DCDC1: variants seen among roughly 807,000 people sequenced by gnomAD.
DCDC1 encodes the protein doublecortin domain containing 1.
A neutral mutation model predicts 178.3 loss-of-function variants in DCDC1; 200 were observed. The observed-to-expected ratio is 1.12, with a 90% confidence interval of 1.00 to 1.26. DCDC1 has a LOEUF of 1.26. DCDC1 is among the 50% of genes most tolerant of loss of function. The probability of loss-of-function intolerance (pLI) is 0.00; values close to 1 mark genes in which losing one functional copy is unlikely to be tolerated. For missense variants in DCDC1, 1,983 were observed against 1,749.2 expected (o/e 1.13, Z -2.38); for synonymous variants, 690 against 604.8 (o/e 1.14, Z -2.07).
intron 21 of DCDC1, among the ~76,000 whole-genome samples, chr11:30,949,514 T>C (rs573881292): frequency 6.6e-6 from 1 of 152,038 alleles, no homozygotes; most frequent in Non-Finnish European, 1.5e-5. Context: ...GGTATATACC[T>C]AAAGAATTAT....
chr11:31,147,760 T>C (rs1415534293), intron 9 of DCDC1, among the ~76,000 whole-genome samples: 2 of 152,152 alleles, frequency 1.3e-5, no homozygotes, highest in African/African-American at 2.4e-5. Flanking sequence ...GGCAAAACCA[T>C]AATTTAATAG....
At position 30,878,641 on chromosome 11, in the gene DCDC1, T is replaced by G. The variant is rs1182083642; in HGVS notation, c.5304A>C (p.Thr1768=). The change falls in exon 38 of 39, where the codon ACA becomes ACC. Residue 1768 remains threonine, a synonymous_variant. Transcript: ENST00000684477. ...RIRRQQGPQA[T]DIVVSPSTKL... ...TCGTGGATGGTGACACCACAATGTC[T>G]GTGGCTTGAGGGCCCTGCTGCCTTC... The G allele has an allele frequency of 1.2e-6, 2 of 1,612,178 alleles. No homozygotes were observed. Among genetic ancestry groups the G allele is most frequent in the Non-Finnish European group, 1.7e-6 (2 of 1,179,010 alleles).
At chr11:30,874,782 A>G (rs940952460) in intron 38 of DCDC1, among the ~76,000 whole-genome samples, 1 of 152,144 alleles carries the variant, frequency 6.6e-6, no homozygotes, top group African/African-American at 2.4e-5. Context: ...CCTGAGCTAA[A>G]ACCCTAATAT....
chr11:31,083,192 A>T (rs1192945477), intron 17 of DCDC1, among the ~76,000 whole-genome samples: 1 of 152,164 alleles, frequency 6.6e-6, no homozygotes, highest in African/African-American at 2.4e-5. Flanking sequence ...TGGATGCAAA[A>T]AGCTATAACT....
intron 17 of DCDC1, among the ~76,000 whole-genome samples, chr11:31,081,482 T>C (rs368158646): frequency 4.6e-5 from 7 of 152,096 alleles, no homozygotes; most frequent in African/African-American, 1.7e-4. Flanking sequence ...TGGTGGCACA[T>C]GCCCGCAATC....
intron 20 of DCDC1, among the ~76,000 whole-genome samples, chr11:31,008,314 T>C (rs1023710157): frequency 2.0e-5 from 3 of 152,116 alleles, no homozygotes; most frequent in African/African-American, 2.4e-5. Context: ...GAGATGTTCT[T>C]AGCAGCTTAC....
intron 8 of DCDC1, among the ~76,000 whole-genome samples, chr11:31,247,999 G>C (rs1943696572): frequency 1.3e-5 from 2 of 151,940 alleles, no homozygotes; most frequent in Admixed American, 6.6e-5. Context: ...ATTTTTATGT[G>C]GCCATGGCCT....
At chr11:31,178,726 T>C (rs1968397972) in intron 9 of DCDC1, among the ~76,000 whole-genome samples, 1 of 152,096 alleles carries the variant, frequency 6.6e-6, no homozygotes, top group Non-Finnish European at 1.5e-5. Flanking sequence ...GGAGTCTTGC[T>C]CTGTCACCCA....
At chr11:31,233,343 C>T (rs980177226) in intron 9 of DCDC1, among the ~76,000 whole-genome samples, 4 of 152,142 alleles carry the variant, frequency 2.6e-5, no homozygotes, top group African/African-American at 9.7e-5. Context: ...CATGGGTATG[C>T]TTTGTCTCCA....
intron 20 of DCDC1, among the ~76,000 whole-genome samples, chr11:30,987,571 T>G (rs1950725701): frequency 6.6e-6 from 1 of 152,116 alleles, no homozygotes; most frequent in Non-Finnish European, 1.5e-5. Flanking sequence ...TATGGAGTCA[T>G]CAGGAAAAAC....
chr11:31,162,626 T>C (rs1966410757), intron 9 of DCDC1, among the ~76,000 whole-genome samples: 1 of 152,152 alleles, frequency 6.6e-6, no homozygotes, highest in Non-Finnish European at 1.5e-5. Context: ...AGAAGTCATA[T>C]CATTAACACA....
intron 10 of DCDC1, among the ~76,000 whole-genome samples, chr11:31,135,980 T>C (rs1014485040): frequency 3.9e-5 from 6 of 152,132 alleles, no homozygotes; most frequent in Non-Finnish European, 5.9e-5. Flanking sequence ...GCATAAAATA[T>C]CAAAAGGCAA....
At chr11:30,943,382 G>T in intron 21 of DCDC1, 1 of 190,958 alleles carries the variant, frequency 5.2e-6, no homozygotes, top group Non-Finnish European at 1.1e-5. Context: ...CTTTATTCTG[G>T]TAGCTACTTA....
intron 17 of DCDC1, among the ~76,000 whole-genome samples, chr11:31,082,847 C>CCGGG (rs897369644): frequency 6.6e-6 from 1 of 152,180 alleles, no homozygotes; most frequent in Admixed American, 6.5e-5. Context: ...CCAATGCTAC[C>CCGGG]CGGGCCAAAA....
chr11:31,071,671 CT>C (rs1417275220), intron 18 of DCDC1, among the ~76,000 whole-genome samples: 1 of 152,156 alleles, frequency 6.6e-6, no homozygotes, highest in Non-Finnish European at 1.5e-5. Context: ...CTTTTGGGCA[CT>C]TCCTCTTCCA....
chr11:31,178,251 C>T (rs751929889), intron 9 of DCDC1, among the ~76,000 whole-genome samples: 2 of 152,130 alleles, frequency 1.3e-5, no homozygotes, highest in African/African-American at 2.4e-5. Context: ...CCCACAGTCA[C>T]GTGATTTTCG....
intron 17 of DCDC1, among the ~76,000 whole-genome samples, chr11:31,085,166 G>GTT (rs61401729): frequency 1.4e-5 from 2 of 143,168 alleles, no homozygotes; most frequent in African/African-American, 2.6e-5. Context: ...TGTTTTTAAG[G>GTT]TTTTTTTTTT....
intron 26 of DCDC1, 46 bp from the exon 27 acceptor site, chr11:30,915,757 A>C (rs1565069490): frequency 6.4e-7 from 1 of 1,562,896 alleles, no homozygotes; most frequent in Non-Finnish European, 8.7e-7. Flanking sequence ...TGTCCCATGC[A>C]CTTGATCATG....
At chr11:30,981,940 T>TCATA (rs1293451127) in intron 20 of DCDC1, among the ~76,000 whole-genome samples, 1 of 152,084 alleles carries the variant, frequency 6.6e-6, no homozygotes, top group Non-Finnish European at 1.5e-5. Flanking sequence ...GTAAAAACAA[T>TCATA]CATACTACTG....
Sources: gnomAD v4.1 joint callset for allele counts (sites outside exome capture counted in the v4.1 genomes callset) on GRCh38, gnomAD v4.1.1 for gene constraint, MANE v1.5 for transcripts, NCBI Gene and HGNC (gene_info 2026-07-23, HGNC 2026-07-21) for gene names.